Variants in FBXW11 observed in about 807,000 individuals in gnomAD.
The protein encoded by FBXW11 is F-box and WD repeat domain containing 11.
FBXW11 carries 19 observed loss-of-function variants against 77.6 expected under a neutral mutation model. That is an observed-to-expected ratio of 0.24 (90% confidence interval 0.17 to 0.36). FBXW11 has a LOEUF of 0.36. Ranked by LOEUF, FBXW11 falls within the 10% of genes least tolerant of loss-of-function variation. The probability of loss-of-function intolerance (pLI) is 1.00; values close to 1 mark genes in which losing one functional copy is unlikely to be tolerated. For synonymous variants in FBXW11, 235 were observed against 249.4 expected, an observed-to-expected ratio of 0.94 and a Z score of 0.54; for missense variants, 334 against 704.2, an observed-to-expected ratio of 0.47 and a Z score of 5.95.
chr5:172,006,166 T>TAA (rs1766752485), intron 1 of FBXW11, among the ~76,000 whole-genome samples: 1 of 152,088 alleles, frequency 6.6e-6, no homozygotes, highest in South Asian at 2.1e-4. Flanking sequence ...GAGTGCGACC[T>TAA]AAGTCTACAG....
intron 10 of FBXW11, among the ~76,000 whole-genome samples, chr5:171,872,207 C>T (rs1757794463): frequency 6.6e-6 from 1 of 152,110 alleles, no homozygotes; most frequent in African/African-American, 2.4e-5. Flanking sequence ...GCTTGCCTGC[C>T]TTTAAAAAAC....
chr5:171,990,038 AACTT>A (rs770213651), intron 1 of FBXW11, among the ~76,000 whole-genome samples: 1 of 152,106 alleles, frequency 6.6e-6, no homozygotes, highest in Admixed American at 6.6e-5. Context: ...TGATGTTTGC[AACTT>A]ACTTTCAAAT....
intron 2 of FBXW11, among the ~76,000 whole-genome samples, chr5:171,940,828 A>G (rs904802249): frequency 4.6e-5 from 7 of 151,942 alleles, no homozygotes; most frequent in African/African-American, 1.7e-4. Context: ...TGGAGGTTGC[A>G]GTGAGCCGAG....
At chr5:171,901,507 T>C (rs1284284457) in intron 4 of FBXW11, among the ~76,000 whole-genome samples, 1 of 152,212 alleles carries the variant, frequency 6.6e-6, no homozygotes, top group African/African-American at 2.4e-5. Flanking sequence ...GTCCTTCATA[T>C]ACTAAAATTC....
At chr5:171,953,688 T>C (rs868539809) in intron 2 of FBXW11, among the ~76,000 whole-genome samples, 75 of 152,170 alleles carry the variant, frequency 4.9e-4, no homozygotes, top group African/African-American at 1.7e-3. Flanking sequence ...AAACCCTTTA[T>C]GATTTTTAAA....
chr5:171,923,369 C>A (rs567653105), intron 2 of FBXW11, among the ~76,000 whole-genome samples: 225 of 152,240 alleles, frequency 1.5e-3, no homozygotes, highest in Non-Finnish European at 2.4e-3. Flanking sequence ...TTAATGGTGT[C>A]TTTTGATAAA....
intron 1 of FBXW11, among the ~76,000 whole-genome samples, chr5:171,970,263 G>A (rs1450832279): frequency 6.6e-6 from 1 of 152,162 alleles, no homozygotes; most frequent in Non-Finnish European, 1.5e-5. Context: ...CCCCCATTCT[G>A]TTCTTGGTAT....
At chr5:171,964,723 A>G (rs1374016176) in intron 1 of FBXW11, among the ~76,000 whole-genome samples, 1 of 152,252 alleles carries the variant, frequency 6.6e-6, no homozygotes, top group Non-Finnish European at 1.5e-5. Flanking sequence ...TTTTAAAACC[A>G]AGAATCACAA....
Position 171,899,103 on chromosome 5 carries a change from T to C in FBXW11, c.624-9A>G. Reference sequence around the variant, plus strand: ...TAAACAGGTACTGATCCCTGGCAAATAAAAACAAACAGATGTTACATTTTT... The same window carrying C: ...TAAACAGGTACTGATCCCTGGCAAACAAAAACAAACAGATGTTACATTTTT... On this transcript the variant is annotated splice_polypyrimidine_tract_variant and intron_variant, in intron 5 of 13. Coordinates refer to ENST00000517395, the MANE Select transcript of FBXW11 (RefSeq NM_001378974.1). The C allele has an allele frequency of 6.4e-7, 1 of 1,573,958 alleles. No homozygotes were observed. The highest frequency in any genetic ancestry group is 8.6e-7 in the Non-Finnish European group (1 of 1,162,002).
At chr5:171,987,496 G>C (rs1358312066) in intron 1 of FBXW11, among the ~76,000 whole-genome samples, 1 of 151,982 alleles carries the variant, frequency 6.6e-6, no homozygotes, top group Admixed American at 6.6e-5. Context: ...TACTGCCCAG[G>C]CTGGAGTGCA....
intron 1 of FBXW11, among the ~76,000 whole-genome samples, chr5:171,963,186 TAC>T (rs56222437): frequency 1.6e-3 from 248 of 150,614 alleles, no homozygotes; most frequent in Non-Finnish European, 2.9e-3. Context: ...TAAATACACA[TAC>T]ACACACACAC....
chr5:171,993,489 T>C (rs1027799944), intron 1 of FBXW11, among the ~76,000 whole-genome samples: 10 of 152,100 alleles, frequency 6.6e-5, no homozygotes, highest in Non-Finnish European at 1.3e-4. Context: ...GATGCGTGCC[T>C]GTAGTCCCAA....
rs190011603 is a variant in FBXW11 at position 171,992,299 on chromosome 5, G to A, written c.45+14159C>T. On this transcript the variant is annotated intron_variant, in intron 1 of 13. Coordinates refer to ENST00000517395, the MANE Select transcript of FBXW11 (RefSeq NM_001378974.1). ...AAAAATTAGCCGGGTGGGTTGGCAT[G>A]TGCCTGTAGTCCCAGCTACCAGGAG... 9.3e-5 allele frequency among the ~76,000 whole-genome samples: 14 copies of A among 150,278 alleles called. No individual in the cohort carries two copies. In the East Asian group the frequency reaches 1.6e-3, roughly 17 times the overall value.
chr5:171,979,199 T>C (rs1765011866), intron 1 of FBXW11, among the ~76,000 whole-genome samples: 1 of 152,292 alleles, frequency 6.6e-6, no homozygotes, highest in South Asian at 2.1e-4. Context: ...TGCATGCCTG[T>C]AGTCCCAGCT....
rs774017484 is a variant in FBXW11, at chr5:171,873,032, A to G, written c.1222-42T>C. On this transcript the variant is annotated intron_variant, in intron 9 of 13. Coordinates refer to ENST00000517395, the MANE Select transcript of FBXW11 (RefSeq NM_001378974.1). ...CAGTATTTTAAAGAATGAACACAGG[A>G]AAGTCCTCTCACAATATACCTTTCT... 1.7e-5 allele frequency: 25 copies of G among 1,500,462 alleles called. No individual in the cohort carries two copies. The Admixed American group carries it at 3.1e-4, about 18-fold the overall frequency. The allele number at this position is 1,500,462 out of a possible 1,614,324, so 92.9% of individuals were successfully genotyped here.
intron 1 of FBXW11, among the ~76,000 whole-genome samples, chr5:172,001,798 T>C (rs1032759947): frequency 9.9e-5 from 15 of 152,228 alleles, no homozygotes; most frequent in Non-Finnish European, 2.1e-4. Flanking sequence ...AAAGAGAAGA[T>C]TGCTGAGATA....
intron 9 of FBXW11, among the ~76,000 whole-genome samples, chr5:171,875,187 A>T (rs1757995833): frequency 6.6e-6 from 1 of 151,942 alleles, no homozygotes; most frequent in African/African-American, 2.4e-5. Context: ...GAGGCCAAGG[A>T]CTGCTTGAGC....
chr5:171,872,153 ACG>A (rs1757789997), intron 10 of FBXW11, among the ~76,000 whole-genome samples: 1 of 152,212 alleles, frequency 6.6e-6, no homozygotes, highest in African/African-American at 2.4e-5. Flanking sequence ...GCAATTATAA[ACG>A]CCAAAGTTTA....
chr5:171,877,986 A>G, intron 8 of FBXW11, 25 bp downstream of exon 8: 2 of 1,541,262 alleles, frequency 1.3e-6, no homozygotes, highest in Non-Finnish European at 1.8e-6. Flanking sequence ...TTACAAGTTA[A>G]GAACAATGAA....
Sources: gnomAD v4.1 joint callset for allele counts (sites outside exome capture counted in the v4.1 genomes callset) on GRCh38, gnomAD v4.1.1 for gene constraint, MANE v1.5 for transcripts, NCBI Gene and HGNC (gene_info 2026-07-23, HGNC 2026-07-21) for gene names.